The following DNAAF9 variants were observed in gnomAD, a reference collection of about 807,000 sequenced individuals.
DNAAF9 encodes dynein axonemal assembly factor 9, also known as shulin.
In DNAAF9, 90 loss-of-function variants were observed where a neutral mutation model predicts 167.0. The observed-to-expected ratio is 0.54, with a 90% CI of 0.45 to 0.64. DNAAF9 has a LOEUF of 0.64. Ranked by LOEUF, DNAAF9 falls within the 30% of genes least tolerant of loss-of-function variation. The pLI is 0.00. For synonymous variants in DNAAF9, 491 were observed against 508.8 expected, an observed-to-expected ratio of 0.96 and a Z score of 0.47; for missense variants, 1,315 against 1,442.2, an observed-to-expected ratio of 0.91 and a Z score of 1.43.
At chr20:3,258,889 T>C (rs2068329211) in intron 33 of DNAAF9, among the ~76,000 whole-genome samples, 1 of 152,196 alleles carries the variant, frequency 6.6e-6, no homozygotes, top group Non-Finnish European at 1.5e-5. Flanking sequence ...GAAATGTGTC[T>C]TTTCTGCCTC....
intron 23 of DNAAF9, chr20:3,295,827 C>G (rs1386067367): frequency 1.1e-6 from 1 of 912,248 alleles, no homozygotes; most frequent in African/African-American, 1.6e-5. Context: ...ATTCAAAAAT[C>G]AGTAAACAAA....
At chr20:3,351,053 A>G (rs564661777) in intron 7 of DNAAF9, among the ~76,000 whole-genome samples, 9 of 152,214 alleles carry the variant, frequency 5.9e-5, no homozygotes, top group African/African-American at 1.9e-4. Flanking sequence ...GCTTCTTGAT[A>G]AAGAATATAA....
intron 23 of DNAAF9, among the ~76,000 whole-genome samples, 166 bp from the exon 24 acceptor site, chr20:3,294,795 G>T (rs2069035164): frequency 6.6e-6 from 1 of 151,764 alleles, no homozygotes. Flanking sequence ...ATGATGATGG[G>T]TAAGTCCACA....
Position 3,290,133 on chromosome 20 carries a change from C to T in DNAAF9, c.2323G>A (p.Gly775Ser). ...AFLVTLHKECGRWMVYRQIMD... is the reference protein window; with the variant it reads ...AFLVTLHKECSRWMVYRQIMD... ...AAAGGCATCAGCCATACTAACCTGC[C>T]ACATTCCTTATGCAGAGTGACCAGA... is the stretch of plus-strand genomic sequence containing the variant. Residue 775 changes from glycine (G) to serine (S), a missense_variant, in exon 26 of 37, where the codon GGC becomes AGC. Transcript: ENST00000252032. The T allele has an allele frequency of 1.2e-6, 2 of 1,605,232 alleles. No homozygotes were observed. Among genetic ancestry groups the T allele is most frequent in the Non-Finnish European group, 1.7e-6 (2 of 1,171,810 alleles).
intron 7 of DNAAF9, among the ~76,000 whole-genome samples, 178 bp downstream of exon 7, chr20:3,359,338 T>C (rs977860146): frequency 1.3e-5 from 2 of 152,212 alleles, no homozygotes; most frequent in African/African-American, 2.4e-5. Context: ...CAGTGTCACT[T>C]TGCCAGGTTC....
At chr20:3,304,647 T>C (rs2069257022) in intron 20 of DNAAF9, 104 bp from the exon 21 acceptor site, 5 of 661,220 alleles carry the variant, frequency 7.6e-6, no homozygotes, top group South Asian at 5.4e-5. Context: ...CCAGTATCAG[T>C]AGCAATTACG....
At chr20:3,330,011 C>T (rs981155958) in intron 12 of DNAAF9, among the ~76,000 whole-genome samples, 3 of 152,110 alleles carry the variant, frequency 2.0e-5, no homozygotes, top group African/African-American at 7.2e-5. Context: ...CATGATTCTC[C>T]CAATGGATTT....
rs149050344 is a variant in DNAAF9 at position 3,357,887 on chromosome 20, G to C, written c.690+1629C>G. On this transcript the variant is annotated intron_variant, in intron 7 of 36. Coordinates refer to ENST00000252032, the MANE Select transcript of DNAAF9 (RefSeq NM_001009984.3). ...TAGCCAGGTGTGGTGATGCACGCCT[G>C]TAGTCCCAGCTACTCAGGAGGCTGA... Among the ~76,000 whole-genome samples, 825 of 152,096 alleles carry C rather than the reference G, an allele frequency of 5.4e-3. 2 individuals carry two copies. The highest frequency in any genetic ancestry group is 6.8e-3 in the Middle Eastern group (2 of 294).
chr20:3,259,230 GC>G (rs1319559851), intron 33 of DNAAF9, among the ~76,000 whole-genome samples: 7 of 152,246 alleles, frequency 4.6e-5, no homozygotes, highest in Non-Finnish European at 7.3e-5. Context: ...TGTGAGAAGA[GC>G]CCCTGAGCAG....
intron 1 of DNAAF9, among the ~76,000 whole-genome samples, chr20:3,382,851 T>G (rs938060418): frequency 6.6e-6 from 1 of 152,216 alleles, no homozygotes; most frequent in African/African-American, 2.4e-5. Flanking sequence ...TGACTTTTCA[T>G]GTTTTGAAGA....
In DNAAF9 at chr20:3,331,973, C is replaced by T. The variant is rs146600712; in HGVS notation, c.1063+307G>A. ...ACAGGCGTGAGCCGCCATTCCTGGT[C>T]CCTACCTCCTGCTTTCTTAAACTAG... On this transcript the variant is annotated intron_variant, in intron 11 of 36. Transcript: ENST00000252032. Among the ~76,000 whole-genome samples, 37 of 152,340 alleles carry T rather than the reference C, an allele frequency of 2.4e-4. No homozygotes were observed. The East Asian group carries it at 6.9e-3, about 29-fold the overall frequency.
chr20:3,357,622 C>T (rs1330056763), intron 7 of DNAAF9, among the ~76,000 whole-genome samples: 1 of 123,318 alleles, frequency 8.1e-6, no homozygotes, highest in African/African-American at 3.0e-5. Flanking sequence ...CCTTCCTCAC[C>T]CATCCAGCTT....
intron 21 of DNAAF9, among the ~76,000 whole-genome samples, chr20:3,300,848 AATTGTTTTCTTAATATCTTTATCAG>A (rs143260906): frequency 0.2 from 29,708 of 151,286 alleles, 3,121 homozygotes; most frequent in African/African-American, 0.25. Flanking sequence ...CCAGCCCTGG[AATTGTTTTCTTAATATCTTTATCAG>A]ATTGTTCATT....
chr20:3,377,907 G>A (rs2083597368), intron 3 of DNAAF9, among the ~76,000 whole-genome samples: 1 of 152,144 alleles, frequency 6.6e-6, no homozygotes, highest in African/African-American at 2.4e-5. Flanking sequence ...CAACAAGGGG[G>A]TCCATTCAAT....
chr20:3,282,425 A>C (rs899025354), intron 27 of DNAAF9, among the ~76,000 whole-genome samples: 2 of 152,136 alleles, frequency 1.3e-5, no homozygotes, highest in Non-Finnish European at 2.9e-5. Flanking sequence ...CCAAACTGTT[A>C]TAATCTCTTG....
At position 3,318,396 on chromosome 20, in the gene DNAAF9, C is replaced by T. The variant is rs760638481; in HGVS notation, c.1361G>A (p.Cys454Tyr). ...EDSLSFVKTA[C>Y]MAVYDIPDLL... Reference sequence around the variant, plus strand: ...GTCAGGAATGTCATAGACGGCCATACAAGCCTGCATTGAATGAGAAACCAG... The same window carrying T: ...GTCAGGAATGTCATAGACGGCCATATAAGCCTGCATTGAATGAGAAACCAG... The change falls in exon 17 of 37, where the codon TGT becomes TAT. Residue 454 changes from cysteine to tyrosine, a missense_variant. Physicochemically the swap from Cys to Tyr is radical, Grantham distance 194. Coordinates refer to ENST00000252032, the MANE Select transcript of DNAAF9 (RefSeq NM_001009984.3). 1 of 1,549,408 alleles carries T rather than the reference C, an allele frequency of 6.5e-7. No individual in the cohort carries two copies. Among genetic ancestry groups the T allele is most frequent in the South Asian group, 1.1e-5 (1 of 89,670 alleles).
At chr20:3,380,228 TA>T (rs763317772) in intron 3 of DNAAF9, among the ~76,000 whole-genome samples, 9 of 152,098 alleles carry the variant, frequency 5.9e-5, no homozygotes, top group Non-Finnish European at 1.0e-4. Context: ...TTGTATAGCG[TA>T]AGGAAAAAAA....
At chr20:3,406,260 G>T (rs1394302212) in intron 1 of DNAAF9, among the ~76,000 whole-genome samples, 1 of 152,128 alleles carries the variant, frequency 6.6e-6, no homozygotes, top group African/African-American at 2.4e-5. Flanking sequence ...CCAAAAATCA[G>T]ATCAGCAAGC....
intron 23 of DNAAF9, chr20:3,295,982 T>G: frequency 6.4e-7 from 1 of 1,570,766 alleles, no homozygotes; most frequent in South Asian, 1.1e-5. Flanking sequence ...GCATTTCACT[T>G]TGGGAGGCAC....
Sources: allele counts gnomAD v4.1 joint callset (sites outside exome capture counted in the v4.1 genomes callset), GRCh38; gene constraint gnomAD v4.1.1; transcripts MANE v1.5; gene names NCBI Gene and HGNC (gene_info 2026-07-23, HGNC 2026-07-21).